The following TBC1D1 variants were observed in gnomAD, a reference collection of about 807,000 sequenced individuals.
The protein encoded by TBC1D1 is TBC1 (tre-2/USP6, BUB2, cdc16) domain family, member 1.
A neutral mutation model predicts 125.6 loss-of-function variants in TBC1D1; 89 were observed. The ratio of observed to expected loss-of-function variants is 0.71; its 90% confidence interval spans 0.60 to 0.85. The LOEUF (loss-of-function observed/expected upper bound fraction) is 0.85, where lower values mean the gene tolerates loss of function less well. TBC1D1 is among the 40% of genes least tolerant of loss of function. The pLI, the probability that TBC1D1 is intolerant of heterozygous loss-of-function variation, is 0.00. For missense variants in TBC1D1, 1,377 were observed against 1,469.2 expected (o/e 0.94, Z 1.03); for synonymous variants, 565 against 564.1 (o/e 1.00, Z -0.02).
chr4:38,071,604 T>A (rs965202718), intron 12 of TBC1D1, among the ~76,000 whole-genome samples: 4 of 152,190 alleles, frequency 2.6e-5, no homozygotes, highest in South Asian at 4.1e-4. Flanking sequence ...TCTGTCATTG[T>A]GTTACCCACT....
At position 37,961,695 on chromosome 4, in the gene TBC1D1, G is replaced by A. The variant is rs549377526; in HGVS notation, c.418-52814G>A. Among the ~76,000 whole-genome samples the A allele has an allele frequency of 2.6e-5, 4 of 152,302 alleles. No homozygotes were observed. The South Asian group carries it at 8.3e-4, about 32-fold the overall frequency. ...CCAGGAGCTGCTATTCATTATACAT[G>A]TTAGTGGTTTTGCTCTTTCTACTGA... On this transcript the variant is annotated intron_variant, in intron 2 of 19. Transcript: ENST00000261439.
At chr4:38,029,792 G>C (rs1745792972) in intron 7 of TBC1D1, among the ~76,000 whole-genome samples, 2 of 152,236 alleles carry the variant, frequency 1.3e-5, no homozygotes, top group Admixed American at 1.3e-4. Context: ...AAATAGCCTA[G>C]AGGGTAATTT....
chr4:38,103,227 C>T, intron 15 of TBC1D1, 70 bp downstream of exon 17: 3 of 1,507,426 alleles, frequency 2.0e-6, no homozygotes, highest in Admixed American at 2.1e-5. Context: ...AAGAGACTGT[C>T]CAAGTTATGT....
intron 2 of TBC1D1, among the ~76,000 whole-genome samples, chr4:38,004,996 C>G (rs1373390044): frequency 6.6e-6 from 1 of 152,268 alleles, no homozygotes; most frequent in East Asian, 1.9e-4. Flanking sequence ...ACCTGGCTCC[C>G]TGGCAGGGAG....
At chr4:38,056,538 G>A (rs2152490557) in intron 12 of TBC1D1, among the ~76,000 whole-genome samples, 1 of 152,370 alleles carries the variant, frequency 6.6e-6, no homozygotes, top group East Asian at 1.9e-4. Context: ...GCTTGGCACA[G>A]TTGACCATGC....
rs185475426 is a variant in TBC1D1, at chr4:37,906,384, G to A, written c.417+3872G>A. On this transcript the variant is annotated intron_variant, in intron 2 of 19. Coordinates refer to ENST00000261439, the MANE Select transcript of TBC1D1 (RefSeq NM_015173.4). ...GCTGGTCTCGAACTCCTGACCTCAAGTAATCCACCTGCCTTGGCCTCCCAA... is the reference window on the plus strand; with the variant it reads ...GCTGGTCTCGAACTCCTGACCTCAAATAATCCACCTGCCTTGGCCTCCCAA... Among the ~76,000 whole-genome samples, 5 of 152,278 alleles carry A rather than the reference G, an allele frequency of 3.3e-5. No homozygotes were observed. In the East Asian group the frequency reaches 9.7e-4, roughly 29 times the overall value.
At chr4:38,107,589 T>TG (rs949706221) in intron 15 of TBC1D1, among the ~76,000 whole-genome samples, 1 of 144,422 alleles carries the variant, frequency 6.9e-6, no homozygotes, top group African/African-American at 2.5e-5. Context: ...TTTTTTTTTT[T>TG]TTTTTTTTTT....
chr4:37,932,320 A>G (rs906288260), intron 2 of TBC1D1, among the ~76,000 whole-genome samples: 16 of 152,242 alleles, frequency 1.1e-4, no homozygotes, highest in Admixed American at 9.2e-4. Flanking sequence ...ATTTATGCAG[A>G]AAACTAAGAA....
chr4:37,948,192 T>C (rs1423252850), intron 2 of TBC1D1, among the ~76,000 whole-genome samples: 2 of 152,108 alleles, frequency 1.3e-5, no homozygotes, highest in African/African-American at 2.4e-5. Context: ...AGAGGCACCA[T>C]GTCAGAGGAG....
chr4:38,056,598 C>G (rs1751753862), intron 12 of TBC1D1, among the ~76,000 whole-genome samples: 1 of 152,166 alleles, frequency 6.6e-6, no homozygotes, highest in South Asian at 2.1e-4. Context: ...CCCTGGAGGC[C>G]AGGAGTTCGA....
At chr4:38,049,343 G>A (rs184972451) in intron 10 of TBC1D1, among the ~76,000 whole-genome samples, 57 of 152,278 alleles carry the variant, frequency 3.7e-4, no homozygotes, top group African/African-American at 1.2e-3. Context: ...TATTCATGGC[G>A]TTGTTCAGAA....
chr4:37,981,913 A>C (rs1167628368), intron 2 of TBC1D1, among the ~76,000 whole-genome samples: 1 of 152,232 alleles, frequency 6.6e-6, no homozygotes, highest in East Asian at 1.9e-4. Flanking sequence ...CTTGGACCTC[A>C]GTAATAAGAA....
At chr4:38,134,561 A>G (rs182447492) in intron 19 of TBC1D1, among the ~76,000 whole-genome samples, 22 of 152,356 alleles carry the variant, frequency 1.4e-4, no homozygotes, top group Admixed American at 3.9e-4. Flanking sequence ...TTCCAAGCCA[A>G]TGATAGGTCC....
At chr4:37,910,140 A>G (rs1309140644) in intron 2 of TBC1D1, among the ~76,000 whole-genome samples, 1 of 152,236 alleles carries the variant, frequency 6.6e-6, no homozygotes, top group Non-Finnish European at 1.5e-5. Context: ...ATGACTTTAT[A>G]TAGCTTTGCA....
intron 15 of TBC1D1, 144 bp from the exon 18 acceptor site, chr4:38,115,566 C>T: frequency 1.3e-6 from 1 of 768,428 alleles, no homozygotes; most frequent in Non-Finnish European, 2.0e-6. Context: ...ACTTCGTTTG[C>T]AGAGGAAGTG....
chr4:38,012,940 C>T (rs1741826525), intron 2 of TBC1D1, among the ~76,000 whole-genome samples: 2 of 152,090 alleles, frequency 1.3e-5, no homozygotes, highest in South Asian at 4.1e-4. Context: ...ATTACAGGCA[C>T]CTGCCACCAC....
At chr4:37,949,750 T>C (rs572709328) in intron 2 of TBC1D1, among the ~76,000 whole-genome samples, 14 of 152,370 alleles carry the variant, frequency 9.2e-5, no homozygotes, top group African/African-American at 3.4e-4. Flanking sequence ...ATACAGTCTA[T>C]GTAGCAACTA....
chr4:37,934,214 C>G (rs1008237265), intron 2 of TBC1D1, among the ~76,000 whole-genome samples: 6 of 152,116 alleles, frequency 3.9e-5, no homozygotes, highest in Non-Finnish European at 8.8e-5. Context: ...CTGGAAAGGT[C>G]AACTGGCTGA....
chr4:37,910,576 T>C (rs1401660560), intron 2 of TBC1D1, among the ~76,000 whole-genome samples: 3 of 152,182 alleles, frequency 2.0e-5, no homozygotes, highest in Non-Finnish European at 4.4e-5. Flanking sequence ...TTCTCACTTA[T>C]TTATGGGAGC....
Sources: allele counts gnomAD v4.1 joint callset (sites outside exome capture counted in the v4.1 genomes callset), GRCh38; gene constraint gnomAD v4.1.1; transcripts MANE v1.5; gene names NCBI Gene and HGNC (gene_info 2026-07-23, HGNC 2026-07-21).